Variants in CTNNA2 observed in about 807,000 individuals in gnomAD.
CTNNA2 encodes catenin alpha 2.
Under a neutral mutation model 101.0 loss-of-function variants are expected in CTNNA2, and 42 were observed. The ratio of observed to expected loss-of-function variants is 0.42; its 90% CI spans 0.32 to 0.54. CTNNA2 has a LOEUF of 0.54. Ranked by LOEUF, CTNNA2 falls within the 20% of genes least tolerant of loss-of-function variation. The pLI, the probability that CTNNA2 is intolerant of heterozygous loss-of-function variation, is 0.14. For missense variants in CTNNA2, 871 were observed against 1,223.1 expected (o/e 0.71, Z 4.29); for synonymous variants, 450 against 456.4 (o/e 0.99, Z 0.18).
At chr2:80,117,825 A>G (rs557216037) in intron 7 of CTNNA2, among the ~76,000 whole-genome samples, 1 of 152,322 alleles carries the variant, frequency 6.6e-6, no homozygotes, top group East Asian at 1.9e-4. Flanking sequence ...TGGGTGTTAT[A>G]TTAGTATTAG....
chr2:80,565,099 G>A (rs2149682649), intron 12 of CTNNA2, among the ~76,000 whole-genome samples: 1 of 151,772 alleles, frequency 6.6e-6, no homozygotes, highest in African/African-American at 2.4e-5. Context: ...AGAGAATATT[G>A]GATGAAACTG....
At chr2:79,642,983 G>C (rs1680556497) in intron 1 of CTNNA2, among the ~76,000 whole-genome samples, 1 of 152,028 alleles carries the variant, frequency 6.6e-6, no homozygotes, top group African/African-American at 2.4e-5. Flanking sequence ...ACAAGGTCAA[G>C]AGATTGAGAC....
chr2:79,891,882 T>C (rs1684330928), intron 6 of CTNNA2, among the ~76,000 whole-genome samples: 1 of 152,044 alleles, frequency 6.6e-6, no homozygotes. Context: ...ACTGTGAATA[T>C]TTTTTCCTAT....
chr2:79,687,421 C>A, intron 2 of CTNNA2: 1 of 505,864 alleles, frequency 2.0e-6, no homozygotes, highest in Non-Finnish European at 3.5e-6. Context: ...CAGCAAAAAT[C>A]CATAAAAGGT....
At chr2:80,325,489 C>T (rs567406429) in intron 7 of CTNNA2, among the ~76,000 whole-genome samples, 1 of 152,168 alleles carries the variant, frequency 6.6e-6, no homozygotes, top group Non-Finnish European at 1.5e-5. Context: ...CATTCTAAAT[C>T]TGTGGTTCTT....
At chr2:80,371,902 G>T (rs367875013) in intron 7 of CTNNA2, among the ~76,000 whole-genome samples, 1 of 152,072 alleles carries the variant, frequency 6.6e-6, no homozygotes, top group Non-Finnish European at 1.5e-5. Flanking sequence ...TTAAATAATG[G>T]ACTTGATTTT....
intron 2 of CTNNA2, among the ~76,000 whole-genome samples, chr2:79,273,354 T>C (rs1675132649): frequency 6.6e-6 from 1 of 152,068 alleles, no homozygotes; most frequent in Non-Finnish European, 1.5e-5. Context: ...TACTCACTGG[T>C]GGCACCTGTG....
At position 79,585,217 on chromosome 2, in the gene CTNNA2, T is replaced by C. The variant is rs1676404322; in HGVS notation, c.-5-66335T>C. On this transcript the variant is annotated intron_variant, in intron 1 of 18. Coordinates refer to ENST00000402739, the MANE Select transcript of CTNNA2 (RefSeq NM_001282597.3). ...TCTGTATGTTAATGTTTACATTTTC[T>C]ATATTACTTTTATCTCTTAATGTTT... Among the ~76,000 whole-genome samples, 6 of 151,374 alleles carry C rather than the reference T, an allele frequency of 4.0e-5. No individual in the cohort carries two copies. In the South Asian group the frequency reaches 1.2e-3, roughly 31 times the overall value.
chr2:80,367,078 A>G (rs1265372149), intron 7 of CTNNA2, among the ~76,000 whole-genome samples: 5 of 151,762 alleles, frequency 3.3e-5, no homozygotes, highest in Admixed American at 6.6e-5. Context: ...TATCTCAAAG[A>G]GCAGGGGGAT....
intron 4 of CTNNA2, among the ~76,000 whole-genome samples, chr2:79,485,964 G>C (rs548083553): frequency 6.6e-6 from 1 of 152,078 alleles, no homozygotes; most frequent in African/African-American, 2.4e-5. Context: ...GATGACCATC[G>C]TGTAAGTGGA....
intron 7 of CTNNA2, among the ~76,000 whole-genome samples, chr2:80,163,572 T>A (rs961522561): frequency 6.6e-6 from 1 of 152,162 alleles, no homozygotes; most frequent in South Asian, 2.1e-4. Context: ...AGAGAATCTG[T>A]ATTCTGCTAT....
rs1459159701 is a variant in CTNNA2 at position 80,577,677 on chromosome 2, GT to G, written c.1893+3369del. ...GTCGCCAATCACTCCTGACTAGGGA[GT>G]TTTTTCATTTTGTTGTTGTTGTTGT... On this transcript the variant is annotated intron_variant, in intron 13 of 18. Transcript: ENST00000402739. 3.6e-5 allele frequency among the ~76,000 whole-genome samples: 5 copies of G among 138,390 alleles called. No homozygotes were observed. In the East Asian group the frequency reaches 7.8e-4, roughly 22 times the overall value. The allele number at this position is 138,390 out of a possible 152,430, so 90.8% of individuals were successfully genotyped here.
At chr2:79,245,740 A>G (rs1674691835) in intron 2 of CTNNA2, among the ~76,000 whole-genome samples, 1 of 152,186 alleles carries the variant, frequency 6.6e-6, no homozygotes, top group Non-Finnish European at 1.5e-5. Flanking sequence ...ATATTCTAAG[A>G]GATATTTTAG....
rs571656559 is a variant in CTNNA2, at chr2:80,490,611, T to C, written c.1291-54371T>C. On this transcript the variant is annotated intron_variant, in intron 9 of 18. Coordinates refer to ENST00000402739, the MANE Select transcript of CTNNA2 (RefSeq NM_001282597.3). ...GCGGGCTGCAGTTTGCTGAGCTCAG[T>C]TTTAGATAATTCACAGTAACCACTG... Among the ~76,000 whole-genome samples the C allele has an allele frequency of 7.6e-4, 115 of 152,276 alleles. 1 individual carries two copies. The highest frequency in any genetic ancestry group is 7.3e-5 in the Non-Finnish European group (5 of 68,030).
intron 4 of CTNNA2, among the ~76,000 whole-genome samples, chr2:79,411,600 T>C (rs1301908319): frequency 6.6e-6 from 1 of 152,064 alleles, no homozygotes; most frequent in Non-Finnish European, 1.5e-5. Flanking sequence ...TCAACATTCT[T>C]AAAGAAAAGA....
intron 7 of CTNNA2, among the ~76,000 whole-genome samples, chr2:80,140,781 G>A (rs143167639): frequency 8.2e-4 from 125 of 152,226 alleles, no homozygotes; most frequent in African/African-American, 2.8e-3. Context: ...TAAATTGCAT[G>A]TTTTATTTCT....
chr2:80,012,181 A>T (rs572358778), intron 7 of CTNNA2, among the ~76,000 whole-genome samples: 1 of 152,272 alleles, frequency 6.6e-6, no homozygotes, highest in South Asian at 2.1e-4. Context: ...GGTGCCAAGC[A>T]GAGAGAAGAT....
chr2:80,593,261 G>T (rs1696665519), intron 15 of CTNNA2, among the ~76,000 whole-genome samples: 1 of 152,146 alleles, frequency 6.6e-6, no homozygotes, highest in Admixed American at 6.5e-5. Context: ...AACGTGGCCA[G>T]TCTTCTTGTC....
At chr2:80,063,989 TAAAGAG>T (rs1200786375) in intron 7 of CTNNA2, among the ~76,000 whole-genome samples, 2 of 151,532 alleles carry the variant, frequency 1.3e-5, no homozygotes, top group Non-Finnish European at 2.9e-5. Flanking sequence ...GAAAATAAAA[TAAAGAG>T]AAAGATGTTC....
Sources: gnomAD v4.1 joint callset for allele counts (sites outside exome capture counted in the v4.1 genomes callset) on GRCh38, gnomAD v4.1.1 for gene constraint, MANE v1.5 for transcripts, NCBI Gene and HGNC (gene_info 2026-07-23, HGNC 2026-07-21) for gene names.